The following ABCG8 variants were observed in gnomAD, a reference collection of about 807,000 sequenced individuals.
ABCG8 encodes the protein ATP binding cassette subfamily G member 8, also known as ATP-binding cassette sub-family G member 8.
ABCG8 carries 81 observed loss-of-function variants against 71.3 expected under a neutral mutation model. The ratio of observed to expected loss-of-function variants is 1.14; its 90% CI spans 0.95 to 1.37. The LOEUF (loss-of-function observed/expected upper bound fraction) is 1.37. Ranked by LOEUF, ABCG8 falls within the 40% of genes most tolerant of loss-of-function variation. The pLI is 0.00. For synonymous variants in ABCG8, 451 were observed against 354.7 expected (o/e 1.27, Z -3.05); for missense variants, 1,119 against 866.2 (o/e 1.29, Z -3.66).
chr2:43,857,194 T>C (rs1669142206), intron 6 of ABCG8, among the ~76,000 whole-genome samples: 1 of 151,638 alleles, frequency 6.6e-6, no homozygotes, highest in Admixed American at 6.6e-5. Flanking sequence ...TGGACAGAAT[T>C]CTCACTCTCT....
Position 43,877,636 on chromosome 2 carries a change from G to C in ABCG8, c.1832G>C (p.Arg611Thr), listed in dbSNP as rs749407558. Reference protein sequence around the residue: ...EGLMKIQFSRRTYKMPLGNLT... With the variant: ...EGLMKIQFSRTTYKMPLGNLT... ...CTGATGAAGATTCAGTTCAGCAGAA[G>C]AACTTATAAAATGCCTCTCGGGAAC... The change falls in exon 12 of 13, where the codon AGA becomes ACA. Residue 611 changes from arginine to threonine, a missense_variant. Coordinates refer to ENST00000272286, the MANE Select transcript of ABCG8 (RefSeq NM_022437.3). 1.5e-5 allele frequency: 25 copies of C among 1,614,034 alleles called. No individual in the cohort carries two copies. The highest frequency in any genetic ancestry group is 2.0e-5 in the Non-Finnish European group (24 of 1,180,028).
intron 6 of ABCG8, among the ~76,000 whole-genome samples, chr2:43,856,256 A>G (rs907542427): frequency 1.3e-5 from 2 of 151,968 alleles, no homozygotes; most frequent in African/African-American, 4.8e-5. Flanking sequence ...CCATCCTGAC[A>G]GAACTCTCAA....
chr2:43,847,756 T>TTTG (rs1015371640), intron 3 of ABCG8: 1 of 152,026 alleles, frequency 6.6e-6, no homozygotes, highest in Non-Finnish European at 1.5e-5. Context: ...TTTTGTTTTT[T>TTTG]TTGTTGTTGT....
intron 6 of ABCG8, among the ~76,000 whole-genome samples, chr2:43,856,402 C>G (rs548263577): frequency 6.6e-6 from 1 of 151,882 alleles, no homozygotes; most frequent in Non-Finnish European, 1.5e-5. Context: ...AGAACTCTCA[C>G]TCTCTAGATA....
At chr2:43,866,003 A>T (rs942457255) in intron 6 of ABCG8, among the ~76,000 whole-genome samples, 2 of 152,060 alleles carry the variant, frequency 1.3e-5, no homozygotes, top group African/African-American at 4.8e-5. Flanking sequence ...AGAAATATAG[A>T]TCAATAGAAC....
intron 3 of ABCG8, among the ~76,000 whole-genome samples, chr2:43,849,577 A>T (rs772361076): frequency 2.0e-5 from 3 of 152,146 alleles, no homozygotes; most frequent in Non-Finnish European, 4.4e-5. Context: ...AAACCATATC[A>T]GAGAGTCTCC....
At chr2:43,859,973 C>T (rs979995550) in intron 6 of ABCG8, among the ~76,000 whole-genome samples, 5 of 151,074 alleles carry the variant, frequency 3.3e-5, no homozygotes, top group African/African-American at 9.7e-5. Flanking sequence ...CTCTCACTAT[C>T]AATGTGGATA....
At chr2:43,871,554 C>T (rs574718396) in intron 6 of ABCG8, among the ~76,000 whole-genome samples, 2 of 152,386 alleles carry the variant, frequency 1.3e-5, no homozygotes, top group Non-Finnish European at 2.9e-5. Context: ...AGCCCAACTT[C>T]TCCCCATGGA....
chr2:43,858,673 G>C (rs1251467608), intron 6 of ABCG8, among the ~76,000 whole-genome samples: 1 of 150,036 alleles, frequency 6.7e-6, no homozygotes, highest in African/African-American at 2.5e-5. Context: ...TGTCTGGATA[G>C]ATTTCTCACA....
In ABCG8 at chr2:43,852,765, G is replaced by A. The variant is rs147540823; in HGVS notation, c.861G>A (p.Thr287=). ...TGTTTGATCTGGTCCTCCTGATGAC[G>A]TCTGGCACCCCCATCTACTTAGGGG... The part of the protein sequence containing the change: ...FRLFDLVLLM[T]SGTPIYLGAA... The change falls in exon 6 of 13, where the codon ACG becomes ACA. Residue 287 remains threonine (T), a synonymous_variant. Coordinates refer to ENST00000272286, the MANE Select transcript of ABCG8 (RefSeq NM_022437.3). The A allele has an allele frequency of 3.1e-5, 50 of 1,614,134 alleles. No individual in the cohort carries two copies. The highest frequency in any genetic ancestry group is 2.3e-4 in the African/African-American group (17 of 75,014).
At chr2:43,876,898 G>T (rs1572870280) in intron 11 of ABCG8, among the ~76,000 whole-genome samples, 2 of 151,286 alleles carry the variant, frequency 1.3e-5, no homozygotes, top group East Asian at 3.9e-4. Context: ...ATGGGAATAT[G>T]GGGAGACTGT....
At chr2:43,862,294 CTCTTGGTAGAACTCTCACTATCTA>C (rs1669351474) in intron 6 of ABCG8, among the ~76,000 whole-genome samples, 3 of 140,152 alleles carry the variant, frequency 2.1e-5, no homozygotes, top group South Asian at 2.4e-4. Context: ...TATTCTCACT[CTCTTGGTAGAACTCTCACTATCTA>C]TCTGGATAGA....
chr2:43,872,453 G>T, intron 8 of ABCG8, 147 bp downstream of exon 8: 1 of 959,296 alleles, frequency 1.0e-6, no homozygotes, highest in Non-Finnish European at 1.6e-6. Context: ...GGGCGTTGGT[G>T]GCTTATGCCT....
intron 4 of ABCG8, 105 bp downstream of exon 4, chr2:43,851,927 T>G (rs1311041608): frequency 7.6e-7 from 1 of 1,307,930 alleles, no homozygotes; most frequent in Non-Finnish European, 1.1e-6. Flanking sequence ...GCAGGTCGAG[T>G]TTGAACAACT....
At chr2:43,865,900 A>G (rs1461764050) in intron 6 of ABCG8, among the ~76,000 whole-genome samples, 1 of 151,568 alleles carries the variant, frequency 6.6e-6, no homozygotes, top group Non-Finnish European at 1.5e-5. Context: ...TAGAATGCTC[A>G]CTCTGTGGAT....
At position 43,878,195 on chromosome 2, in the gene ABCG8, T is replaced by A. The variant is rs541473745; in HGVS notation, c.*282T>A. ...GTTGCTAATTTATTTCCTTTTGATA[T>A]GCATTTATATAGGCAACTCGATATA... On this transcript the variant is annotated 3_prime_UTR_variant, in exon 13 of 13. Coordinates refer to ENST00000272286, the MANE Select transcript of ABCG8 (RefSeq NM_022437.3). 1 of 470,134 alleles carries A rather than the reference T, an allele frequency of 2.1e-6. No homozygotes were observed. Among genetic ancestry groups the A allele is most frequent in the Non-Finnish European group, 3.9e-6 (1 of 254,646 alleles). 29.1% of individuals were successfully genotyped at this position (470,134 alleles called of 1,614,324 possible).
At chr2:43,861,368 C>T (rs911573365) in intron 6 of ABCG8, among the ~76,000 whole-genome samples, 3 of 151,244 alleles carry the variant, frequency 2.0e-5, no homozygotes, top group African/African-American at 4.8e-5. Context: ...ATAGAATTCT[C>T]ATTCTCTGGA....
In ABCG8 at chr2:43,864,779, G is replaced by T. The variant is rs546051920; in HGVS notation, c.965-7197G>T. 1.1e-4 allele frequency among the ~76,000 whole-genome samples: 16 copies of T among 149,180 alleles called. No individual in the cohort carries two copies. The South Asian group carries it at 1.3e-3, about 12-fold the overall frequency. ...GTCTGCATGGAACTGTCACTATCTG[G>T]ATAGAATTCTCACTCTCTGTATAAA... On this transcript the variant is annotated intron_variant, in intron 6 of 12. Coordinates refer to ENST00000272286, the MANE Select transcript of ABCG8 (RefSeq NM_022437.3).
intron 6 of ABCG8, among the ~76,000 whole-genome samples, chr2:43,862,446 A>T (rs964221846): frequency 2.0e-5 from 3 of 150,474 alleles, no homozygotes; most frequent in Non-Finnish European, 4.5e-5. Context: ...AACTCTCACT[A>T]TCTGAATAGA....
Sources: gnomAD v4.1 joint callset for allele counts (sites outside exome capture counted in the v4.1 genomes callset) on GRCh38, gnomAD v4.1.1 for gene constraint, MANE v1.5 for transcripts, NCBI Gene and HGNC (gene_info 2026-07-23, HGNC 2026-07-21) for gene names.